Variants in STK24 observed in about 807,000 individuals in gnomAD.
STK24 encodes the protein serine/threonine kinase 24.
A neutral mutation model predicts 55.6 loss-of-function variants in STK24; 21 were observed. The ratio of observed to expected loss-of-function variants is 0.38; its 90% CI spans 0.27 to 0.54. The LOEUF is 0.54. Ranked by LOEUF, STK24 falls within the 20% of genes least tolerant of loss-of-function variation. The probability of loss-of-function intolerance (pLI) is 0.79; values close to 1 mark genes in which losing one functional copy is unlikely to be tolerated. For synonymous variants in STK24, 200 were observed against 215.2 expected (o/e 0.93, Z 0.62); for missense variants, 383 against 538.4 (o/e 0.71, Z 2.86).
At chr13:98,474,490 C>A (rs1387665933) in intron 5 of STK24, among the ~76,000 whole-genome samples, 1 of 152,116 alleles carries the variant, frequency 6.6e-6, no homozygotes, top group Admixed American at 6.5e-5. Context: ...CCTCTGCAAC[C>A]GCACACGCCT....
intron 1 of STK24, among the ~76,000 whole-genome samples, chr13:98,531,749 A>G (rs1244217575): frequency 6.6e-6 from 1 of 152,222 alleles, no homozygotes; most frequent in Non-Finnish European, 1.5e-5. Flanking sequence ...TTGAAGGTGC[A>G]GATGGTATTA....
chr13:98,518,775 A>G (rs1418740647), intron 2 of STK24, among the ~76,000 whole-genome samples: 1 of 152,250 alleles, frequency 6.6e-6, no homozygotes, highest in African/African-American at 2.4e-5. Flanking sequence ...TAGCATTCTT[A>G]AAAGTCAAGC....
chr13:98,503,024 G>GGTTTTTT (rs759314930), intron 2 of STK24, among the ~76,000 whole-genome samples: 4 of 107,060 alleles, frequency 3.7e-5, no homozygotes, highest in South Asian at 3.0e-4. Flanking sequence ...CTTTCCATGT[G>GGTTTTTT]TTTTTTTTTT....
chr13:98,486,665 A>G (rs1894818582), intron 2 of STK24, among the ~76,000 whole-genome samples: 5 of 152,168 alleles, frequency 3.3e-5, no homozygotes, highest in Admixed American at 3.3e-4. Context: ...AATGTCTCCA[A>G]ACATCGTCAG....
intron 9 of STK24, among the ~76,000 whole-genome samples, chr13:98,458,830 T>TGTCCTCA (rs1566343509): frequency 6.6e-6 from 1 of 152,202 alleles, no homozygotes; most frequent in East Asian, 1.9e-4. Context: ...GTCTCCTCAA[T>TGTCCTCA]GTCCTCATCT....
chr13:98,472,508 T>C (rs1390347023), intron 5 of STK24, among the ~76,000 whole-genome samples: 1 of 152,214 alleles, frequency 6.6e-6, no homozygotes, highest in African/African-American at 2.4e-5. Context: ...GCACTTTGCA[T>C]GATCTGAAAC....
intron 1 of STK24, among the ~76,000 whole-genome samples, chr13:98,543,868 T>C (rs1183842060): frequency 6.6e-6 from 1 of 152,198 alleles, no homozygotes; most frequent in Non-Finnish European, 1.5e-5. Context: ...CCCACACGCA[T>C]AAACCACATG....
At chr13:98,528,945 G>A (rs958954317) in intron 1 of STK24, among the ~76,000 whole-genome samples, 99 of 152,222 alleles carry the variant, frequency 6.5e-4, no homozygotes, top group African/African-American at 2.3e-3. Flanking sequence ...CTGCAGGCAC[G>A]GACTCTCACC....
chr13:98,561,310 C>T lies in STK24; in HGVS notation c.42+15435G>A, dbSNP rs117772823. ...AAGAAAGCAGCAAGGAGGTCGGGCACGGTGGCTCATGCCTGTAATCCCAAC... is the reference window on the plus strand; with the variant it reads ...AAGAAAGCAGCAAGGAGGTCGGGCATGGTGGCTCATGCCTGTAATCCCAAC... On this transcript the variant is annotated intron_variant, in intron 1 of 10. Transcript: ENST00000539966. Among the ~76,000 whole-genome samples, 138 of 152,072 alleles carry T rather than the reference C, an allele frequency of 9.1e-4. No individual in the cohort carries two copies. In the East Asian group the frequency reaches 0.023, roughly 26 times the overall value.
intron 2 of STK24, among the ~76,000 whole-genome samples, chr13:98,515,923 G>A (rs2139374892): frequency 6.6e-6 from 1 of 152,334 alleles, no homozygotes; most frequent in South Asian, 2.1e-4. Context: ...TACAGGGAGT[G>A]TTTTAAAATG....
At chr13:98,498,425 G>A (rs1895328638) in intron 2 of STK24, among the ~76,000 whole-genome samples, 1 of 152,220 alleles carries the variant, frequency 6.6e-6, no homozygotes, top group Non-Finnish European at 1.5e-5. Context: ...TGAGATTGCT[G>A]AAAAGCAAAG....
chr13:98,568,035 T>C lies in STK24; in HGVS notation c.42+8710A>G, dbSNP rs181888098. On this transcript the variant is annotated intron_variant, in intron 1 of 10. Coordinates refer to ENST00000539966, the MANE Select transcript of STK24 (RefSeq NM_001032296.4). ...TTTTTTTGGAGGCACAGTCTCGCTC[T>C]GTCGCCCAGGCTGGAGTGCAATGGC... 3.9e-3 allele frequency among the ~76,000 whole-genome samples: 597 copies of C among 151,482 alleles called. 2 individuals are homozygous for C. Among genetic ancestry groups the C allele is most frequent in the Non-Finnish European group, 7.1e-3 (480 of 67,758 alleles).
intron 1 of STK24, among the ~76,000 whole-genome samples, chr13:98,571,469 TG>T (rs1306151897): frequency 6.6e-6 from 1 of 152,128 alleles, no homozygotes; most frequent in African/African-American, 2.4e-5. Context: ...TTATGTGACA[TG>T]CTATCAAGAA....
rs1345350866 is a variant in STK24 at position 98,564,810 on chromosome 13, C to T, written c.42+11935G>A. 2.0e-5 allele frequency among the ~76,000 whole-genome samples: 3 copies of T among 152,070 alleles called. No homozygotes were observed. In the East Asian group the frequency reaches 5.8e-4, roughly 29 times the overall value. On this transcript the variant is annotated intron_variant, in intron 1 of 10. Coordinates refer to ENST00000539966, the MANE Select transcript of STK24 (RefSeq NM_001032296.4). ...ATCTCAGCTACTTAAGAGGCAGAAG[C>T]AGGAGGACTGCTTGAGGCCAAGAGT...
In STK24 at chr13:98,494,412, C is replaced by CAAA. The variant is rs1162677599; in HGVS notation, c.274-12094_274-12092dup. Among the ~76,000 whole-genome samples, 299 of 66,716 alleles carry CAAA rather than the reference C, an allele frequency of 4.5e-3. 28 individuals are homozygous for CAAA. Among genetic ancestry groups the CAAA allele is most frequent in the South Asian group, 0.012 (23 of 1,900 alleles). 43.8% of individuals were successfully genotyped at this position (66,716 alleles called of 152,430 possible). A position where few individuals can be genotyped will look rare whatever the true frequency, so the allele number is the denominator to read the frequency against. On this transcript the variant is annotated intron_variant, in intron 2 of 10. Transcript: ENST00000539966. ...CTGGGTGACAGAGCCAGACTCGTCT[C>CAAA]AAAAAAAAAAAAAAAAGTGCCTCTA...
intron 2 of STK24, among the ~76,000 whole-genome samples, chr13:98,513,584 T>C (rs1895957912): frequency 6.6e-6 from 1 of 151,896 alleles, no homozygotes; most frequent in African/African-American, 2.4e-5. Flanking sequence ...TTCTCTTCTC[T>C]GTTAAGATCA....
intron 1 of STK24, among the ~76,000 whole-genome samples, chr13:98,539,105 C>A (rs1203938683): frequency 1.3e-5 from 2 of 152,160 alleles, no homozygotes; most frequent in African/African-American, 4.8e-5. Context: ...CAGCCTGCTG[C>A]GCACTTTGTA....
chr13:98,528,501 A>C (rs1369335465), intron 1 of STK24, among the ~76,000 whole-genome samples: 1 of 152,214 alleles, frequency 6.6e-6, no homozygotes, highest in Admixed American at 6.5e-5. Context: ...AGAGTTACAA[A>C]GACAATTCCG....
intron 1 of STK24, among the ~76,000 whole-genome samples, chr13:98,550,516 G>A (rs1352299219): frequency 2.0e-5 from 3 of 152,168 alleles, no homozygotes; most frequent in Non-Finnish European, 2.9e-5. Context: ...GTGAGGAAGC[G>A]AGACCCTCTC....
Sources: allele counts gnomAD v4.1 joint callset (sites outside exome capture counted in the v4.1 genomes callset), GRCh38; gene constraint gnomAD v4.1.1; transcripts MANE v1.5; gene names NCBI Gene and HGNC (gene_info 2026-07-23, HGNC 2026-07-21).